TECTA: variants seen among roughly 807,000 people sequenced by gnomAD.
TECTA encodes tectorin alpha.
Under a neutral mutation model 216.8 loss-of-function variants are expected in TECTA, and 128 were observed. The ratio of observed to expected loss-of-function variants is 0.59; its 90% CI spans 0.51 to 0.68. TECTA has a LOEUF of 0.68. Among genes scored for constraint, TECTA ranks in the 30% least tolerant of loss-of-function variants. TECTA has a pLI of 0.00. For synonymous variants in TECTA, 1,089 were observed against 1,117.1 expected, an observed-to-expected ratio of 0.97 and a Z score of 0.50; for missense variants, 2,551 against 2,786.2, an observed-to-expected ratio of 0.92 and a Z score of 1.90.
chr11:121,141,742 A>G (rs1299481757), intron 11 of TECTA, among the ~76,000 whole-genome samples: 7 of 152,206 alleles, frequency 4.6e-5, no homozygotes, highest in African/African-American at 1.4e-4. Context: ...GGTTTTGGGC[A>G]TCACTCTGGC....
At position 121,125,339 on chromosome 11, in the gene TECTA, A is replaced by T. The variant is rs146123488; in HGVS notation, c.1241A>T (p.Asp414Val). ...GTGACTTCTTTGCCTGTCACCTTAG[A>T]CTTGGGGACAGTGAAAATCTACCAG... The part of the protein sequence containing the change: ...DLVTSLPVTL[D>V]LGTVKIYQSG... The change falls in exon 8 of 24, where the codon GAC becomes GTC. Residue 414 changes from aspartate (D) to valine (V), a missense_variant. By Grantham distance (152) the Asp-to-Val change is radical. Coordinates refer to ENST00000392793, the MANE Select transcript of TECTA (RefSeq NM_005422.4). 1.9e-6 allele frequency: 3 copies of T among 1,614,024 alleles called. No homozygotes were observed. Among genetic ancestry groups the T allele is most frequent in the Non-Finnish European group, 2.5e-6 (3 of 1,180,028 alleles).
rs1235844750 is a variant in TECTA, at chr11:121,191,017, T to C, written c.*211T>C. The C allele has an allele frequency of 8.2e-6, 4 of 486,460 alleles. No homozygotes were observed. The highest frequency in any genetic ancestry group is 4.1e-5 in the South Asian group (2 of 48,568). The allele number at this position is 486,460 out of a possible 1,614,324, so 30.1% of individuals were successfully genotyped here. A position where few individuals can be genotyped will look rare whatever the true frequency, so the allele number is the denominator to read the frequency against. ...AAACGGGGCTTCTACAAGCCAGTTA[T>C]GGAAAGTATCTCTCTTGTGTAAAAT... On this transcript the variant is annotated 3_prime_UTR_variant, in exon 24 of 24. Coordinates refer to ENST00000392793, the MANE Select transcript of TECTA (RefSeq NM_005422.4).
chr11:121,112,946 G>C, intron 4 of TECTA, 126 bp from the exon 5 acceptor site: 1 of 1,161,416 alleles, frequency 8.6e-7, no homozygotes, highest in Non-Finnish European at 1.3e-6. Flanking sequence ...GAGCTGGAGG[G>C]CCTGGCTGCA....
chr11:121,128,208 C>T lies in TECTA; in HGVS notation c.2231C>T (p.Pro744Leu). 6.2e-7 allele frequency: 1 copy of T among 1,605,122 alleles called. No homozygotes were observed. Among genetic ancestry groups the T allele is most frequent in the Non-Finnish European group, 8.5e-7 (1 of 1,179,976 alleles). The change falls in exon 9 of 24, where the codon CCT (proline) becomes CTT (leucine). Residue 744 changes from proline (P) to leucine (L), a missense_variant. Pro to Leu is a moderately conservative substitution (Grantham distance 98). This residue lies in a region of TECTA where 2,375 missense variants were observed against 2,563.9 expected (regional missense o/e 0.93). Coordinates refer to ENST00000392793, the MANE Select transcript of TECTA (RefSeq NM_005422.4). ...EFSYTLLKTC[P>L]ERPEYLEIDI... ...TCCTACACCCTCCTGAAGACCTGCC[C>T]TGAGCGCCCAGAGTACTTGGAAATC...
intron 7 of TECTA, among the ~76,000 whole-genome samples, chr11:121,123,765 C>G (rs1023279039): frequency 6.6e-6 from 1 of 152,222 alleles, no homozygotes; most frequent in Non-Finnish European, 1.5e-5. Flanking sequence ...CCTGGGCTCT[C>G]CATCTTGCTC....
At chr11:121,109,776 C>G (rs1228842212) in intron 4 of TECTA, 2 of 440,344 alleles carry the variant, frequency 4.5e-6, no homozygotes, top group Non-Finnish European at 8.4e-6. Context: ...CTGTAAGTGA[C>G]ATTGCTGTTT....
Position 121,146,123 on chromosome 11 carries a change from C to A in TECTA, c.4105+7C>A. On this transcript the variant is annotated splice_region_variant and intron_variant, in intron 12 of 23. Transcript: ENST00000392793. ...AGGAATTACACGTCCTGCAGTGAGTCCTTCTCGTTGTCCCTCCTTGTAGCT... is the reference window on the plus strand; with the variant it reads ...AGGAATTACACGTCCTGCAGTGAGTACTTCTCGTTGTCCCTCCTTGTAGCT... The A allele has an allele frequency of 6.2e-7, 1 of 1,605,334 alleles. No individual in the cohort carries two copies. Among genetic ancestry groups the A allele is most frequent in the South Asian group, 1.1e-5 (1 of 91,058 alleles).
At position 121,166,663 on chromosome 11, in the gene TECTA, C is replaced by A; in HGVS notation, c.5469C>A (p.Leu1823=). The change falls in exon 18 of 24, where the codon CTC becomes CTA. Residue 1823 remains leucine (L), a synonymous_variant. Coordinates refer to ENST00000392793, the MANE Select transcript of TECTA (RefSeq NM_005422.4). ...TATCTAAGTGCAAGCTCTTCCAGCTCGGTTTTGAGAGGGAGGGCGTGAGGA... is the reference window on the plus strand; with the variant it reads ...TATCTAAGTGCAAGCTCTTCCAGCTAGGTTTTGAGAGGGAGGGCGTGAGGA... The part of the protein sequence containing the change: ...VSISKCKLFQ[L]GFEREGVRIN... 6.2e-7 allele frequency: 1 copy of A among 1,614,176 alleles called. No homozygotes were observed. The highest frequency in any genetic ancestry group is 8.5e-7 in the Non-Finnish European group (1 of 1,180,036).
intron 20 of TECTA, among the ~76,000 whole-genome samples, chr11:121,181,199 T>C (rs1006647159): frequency 1.3e-5 from 2 of 152,152 alleles, no homozygotes; most frequent in Non-Finnish European, 2.9e-5. Flanking sequence ...TGATCTAGCA[T>C]ATTGTTGAAG....
At chr11:121,165,630 C>T (rs1316565226) in intron 17 of TECTA, among the ~76,000 whole-genome samples, 1 of 152,178 alleles carries the variant, frequency 6.6e-6, no homozygotes, top group African/African-American at 2.4e-5. Context: ...CCACATTCAA[C>T]ATCAGAAAGG....
At chr11:121,112,773 C>T (rs1012013719) in intron 4 of TECTA, among the ~76,000 whole-genome samples, 1 of 152,232 alleles carries the variant, frequency 6.6e-6, no homozygotes, top group South Asian at 2.1e-4. Flanking sequence ...TATTATCACA[C>T]GCTTAGCCGG....
Position 121,137,928 on chromosome 11 carries a change from G to A in TECTA, c.3449G>A (p.Arg1150Gln), listed in dbSNP as rs377694745. Residue 1150 changes from arginine to glutamine, a missense_variant, in exon 11 of 24, where the codon CGG becomes CAG. By Grantham distance (43) the Arg-to-Gln change is conservative. Coordinates refer to ENST00000392793, the MANE Select transcript of TECTA (RefSeq NM_005422.4). ...KFVVTAKNED[R>Q]DPSLALWVKQ... ...GTTGTCACAGCCAAGAATGAGGACC[G>A]GGACCCGTCACTGGCCTTGTGGGTT... 96 of 1,607,996 alleles carry A rather than the reference G, an allele frequency of 6.0e-5. No individual in the cohort carries two copies. Among genetic ancestry groups the A allele is most frequent in the Non-Finnish European group, 7.7e-5 (91 of 1,175,124 alleles).
intron 11 of TECTA, among the ~76,000 whole-genome samples, chr11:121,138,921 T>C (rs1172089300): frequency 6.6e-6 from 1 of 152,210 alleles, no homozygotes; most frequent in Non-Finnish European, 1.5e-5. Context: ...CTAAAGGGAC[T>C]CCTTTTCATC....
intron 8 of TECTA, among the ~76,000 whole-genome samples, chr11:121,126,971 C>T (rs181146824): frequency 7.8e-4 from 119 of 152,358 alleles, no homozygotes; most frequent in Non-Finnish European, 2.1e-4. Context: ...CTCTACATTT[C>T]GCTTTCTTTT....
At chr11:121,123,175 T>C (rs1946576162) in intron 7 of TECTA, among the ~76,000 whole-genome samples, 1 of 152,186 alleles carries the variant, frequency 6.6e-6, no homozygotes, top group Non-Finnish European at 1.5e-5. Flanking sequence ...TGTGCACTTA[T>C]AGTCAAGCCC....
rs1348852020 is a variant in TECTA at position 121,165,369 on chromosome 11, C to G, written c.5369C>G (p.Pro1790Arg). 6.3e-7 allele frequency: 1 copy of G among 1,591,048 alleles called. No individual in the cohort carries two copies. Among genetic ancestry groups the G allele is most frequent in the Non-Finnish European group, 8.6e-7 (1 of 1,168,216 alleles). Reference sequence around the variant, plus strand: ...GAGCTGTGTGGCTGCATCGAGCCACCCCCCTATGGAAATAGTGAGTGACAT... The same window carrying G: ...GAGCTGTGTGGCTGCATCGAGCCACGCCCCTATGGAAATAGTGAGTGACAT... ...GRELCGCIEP[P>R]PYGNNSHDII... is the part of the protein sequence containing the mutation. Residue 1790 changes from proline to arginine, a missense_variant, in exon 17 of 24, where the codon CCC becomes CGC. Around this residue, in one of 3 missense-constraint regions of TECTA, gnomAD observed 2,375 missense variants for 2,563.9 expected, o/e 0.93. Coordinates refer to ENST00000392793, the MANE Select transcript of TECTA (RefSeq NM_005422.4).
chr11:121,169,968 T>C (rs560839861), intron 20 of TECTA, among the ~76,000 whole-genome samples: 2 of 152,322 alleles, frequency 1.3e-5, no homozygotes, highest in African/African-American at 2.4e-5. Context: ...TCCTTTTATC[T>C]AAATGCACGT....
Position 121,191,085 on chromosome 11 carries a change from C to A in TECTA, c.*279C>A. 2.9e-6 allele frequency: 1 copy of A among 349,970 alleles called. No individual in the cohort carries two copies. The allele number at this position is 349,970 out of a possible 1,614,324, so 21.7% of individuals were successfully genotyped here. ...TAGAGACTTTGGTTCACATGAAAAACCAGTAAAGGAAAAAAATTCTGGTTA... is the reference window on the plus strand; with the variant it reads ...TAGAGACTTTGGTTCACATGAAAAAACAGTAAAGGAAAAAAATTCTGGTTA... On this transcript the variant is annotated 3_prime_UTR_variant, in exon 24 of 24. Coordinates refer to ENST00000392793, the MANE Select transcript of TECTA (RefSeq NM_005422.4).
chr11:121,172,068 T>A (rs1947117776), intron 20 of TECTA, among the ~76,000 whole-genome samples: 1 of 152,224 alleles, frequency 6.6e-6, no homozygotes, highest in Non-Finnish European at 1.5e-5. Flanking sequence ...TGAGACATGT[T>A]CCTTCTGTGC....
Sources: gnomAD v4.1 joint callset for allele counts (sites outside exome capture counted in the v4.1 genomes callset) on GRCh38, gnomAD v4.1.1 for gene constraint, gnomAD v4.1.1 regional missense constraint, MANE v1.5 for transcripts, NCBI Gene and HGNC (gene_info 2026-07-23, HGNC 2026-07-21) for gene names.